The following ADAM10 variants were observed in gnomAD, a reference collection of about 807,000 sequenced individuals.
The protein encoded by ADAM10 is disintegrin and metalloproteinase domain-containing protein 10.
ADAM10 carries 17 observed loss-of-function variants against 90.1 expected under a neutral mutation model. That is an observed-to-expected ratio of 0.19 (90% CI 0.13 to 0.28). ADAM10 has a LOEUF of 0.28. ADAM10 is among the 10% of genes least tolerant of loss of function. The pLI is 1.00. For synonymous variants in ADAM10, 310 were observed against 298.6 expected, an observed-to-expected ratio of 1.04 and a Z score of -0.40; for missense variants, 610 against 914.3, an observed-to-expected ratio of 0.67 and a Z score of 4.29.
rs535262289 is a variant in ADAM10 at position 58,590,380 on chromosome 15, A to C, written c.*7167T>G. The stretch of plus-strand genomic sequence containing the variant: ...CTTCACCAGGGCAGGGAAACTGTTA[A>C]GTTCACTACTGTATTCTTATCATCT... On this transcript the variant is annotated 3_prime_UTR_variant, in exon 16 of 16. Transcript: ENST00000260408. 1.3e-5 allele frequency: 2 copies of C among 152,256 alleles called. No individual in the cohort carries two copies. The highest frequency in any genetic ancestry group is 4.8e-5 in the African/African-American group (2 of 41,474). The allele number at this position is 152,256 out of a possible 1,614,324, so 9.4% of individuals were successfully genotyped here. A position where few individuals can be genotyped will look rare whatever the true frequency, so the allele number is the denominator to read the frequency against.
At chr15:58,725,702 A>G (rs1899006434) in intron 1 of ADAM10, among the ~76,000 whole-genome samples, 1 of 152,136 alleles carries the variant, frequency 6.6e-6, no homozygotes, top group Non-Finnish European at 1.5e-5. Context: ...TTATAAACAG[A>G]GGAACAAAGA....
At chr15:58,621,262 CAAAAAAA>C (rs749439192) in intron 11 of ADAM10, among the ~76,000 whole-genome samples, 70 of 25,272 alleles carry the variant, frequency 2.8e-3, no homozygotes, top group East Asian at 0.013. Context: ...GACCCTGTCT[CAAAAAAA>C]AAAAAAAAAA....
At chr15:58,680,825 T>G (rs1408842157) in intron 3 of ADAM10, among the ~76,000 whole-genome samples, 1 of 152,164 alleles carries the variant, frequency 6.6e-6, no homozygotes, top group Non-Finnish European at 1.5e-5. Flanking sequence ...TGTTTTGTTT[T>G]GTTTTCTTAA....
At chr15:58,681,729 T>A (rs956935475) in intron 3 of ADAM10, among the ~76,000 whole-genome samples, 3 of 152,214 alleles carry the variant, frequency 2.0e-5, no homozygotes, top group African/African-American at 4.8e-5. Context: ...AGAAATTTGT[T>A]AGAATTGTGA....
chr15:58,611,369 T>G (rs1426472322), intron 12 of ADAM10: 2 of 446,650 alleles, frequency 4.5e-6, no homozygotes, highest in African/African-American at 2.0e-5. Flanking sequence ...AGCAAGAGAT[T>G]AGATGAGGAT....
chr15:58,608,849 CTA>C (rs2140996012), intron 14 of ADAM10, among the ~76,000 whole-genome samples: 1 of 152,060 alleles, frequency 6.6e-6, no homozygotes, highest in African/African-American at 2.4e-5. Flanking sequence ...TAAAAAAATG[CTA>C]TGTTTAGATA....
At chr15:58,696,462 C>CTT (rs1430575266) in intron 2 of ADAM10, among the ~76,000 whole-genome samples, 7 of 139,288 alleles carry the variant, frequency 5.0e-5, no homozygotes, top group African/African-American at 1.4e-4. Context: ...TTTTTTCTTT[C>CTT]TTTCTTTTTT....
Position 58,688,786 on chromosome 15 carries a change from A to ATATATATATATATATATATCTC in ADAM10, c.207-6473_207-6472insGAGATATATATATATATATATA. Among the ~76,000 whole-genome samples the ATATATATATATATATATATCTC allele has an allele frequency of 8.9e-3, 1,085 of 121,862 alleles. 9 individuals carry two copies. The highest frequency in any genetic ancestry group is 0.036 in the East Asian group (128 of 3,590). The allele number at this position is 121,862 out of a possible 152,430, so 79.9% of individuals were successfully genotyped here. A position where few individuals can be genotyped will look rare whatever the true frequency, so the allele number is the denominator to read the frequency against. ...AAAAATTATATATATATATATATAT[A>ATATATATATATATATATATCTC]TCTCTCTCTCTCACTGGACTGACTT... is the stretch of plus-strand genomic sequence containing the variant. On this transcript the variant is annotated intron_variant, in intron 2 of 15. Transcript: ENST00000260408.
chr15:58,618,573 A>G (rs1895687645), intron 11 of ADAM10, among the ~76,000 whole-genome samples: 2 of 152,246 alleles, frequency 1.3e-5, no homozygotes, highest in Admixed American at 1.3e-4. Flanking sequence ...CAGAGTGAAG[A>G]GACGATCTGC....
intron 8 of ADAM10, among the ~76,000 whole-genome samples, chr15:58,637,235 T>C (rs571250613): frequency 2.6e-5 from 4 of 152,252 alleles, no homozygotes; most frequent in Admixed American, 2.6e-4. Context: ...ATGAAATGCC[T>C]CAAAAGATGT....
intron 10 of ADAM10, among the ~76,000 whole-genome samples, chr15:58,622,705 T>C (rs150390059): frequency 1.3e-5 from 2 of 152,188 alleles, no homozygotes; most frequent in Non-Finnish European, 2.9e-5. Context: ...CATCTAAGCA[T>C]AGTGAATAAT....
rs570842513 is a variant in ADAM10, at chr15:58,620,660, A to ATTTTTTTTTTTT, written c.1511+799_1511+810dup. Among the ~76,000 whole-genome samples the ATTTTTTTTTTTT allele has an allele frequency of 6.7e-5, 4 of 59,416 alleles. 1 individual carries two copies. The highest frequency in any genetic ancestry group is 3.6e-4 in the African/African-American group (2 of 5,596). The allele number at this position is 59,416 out of a possible 152,430, so 39.0% of individuals were successfully genotyped here. A position where few individuals can be genotyped will look rare whatever the true frequency, so the allele number is the denominator to read the frequency against. On this transcript the variant is annotated intron_variant, in intron 11 of 15. Transcript: ENST00000260408. ...CACAATAAGTAACTAAAGAATATGT[A>ATTTTTTTTTTTT]TTTTTTTTTTTTTTTTTTTGAGACG...
intron 4 of ADAM10, among the ~76,000 whole-genome samples, chr15:58,673,779 G>A (rs1273015007): frequency 1.3e-5 from 2 of 151,200 alleles, no homozygotes; most frequent in Admixed American, 6.6e-5. Flanking sequence ...CTGTCGCCCA[G>A]GCTGGAGTGC....
intron 8 of ADAM10, among the ~76,000 whole-genome samples, chr15:58,636,476 A>C (rs1896255656): frequency 6.6e-6 from 1 of 152,184 alleles, no homozygotes; most frequent in Non-Finnish European, 1.5e-5. Flanking sequence ...TAAACCATTA[A>C]CTCAAACTCA....
intron 1 of ADAM10, 148 bp from the exon 2 acceptor site, chr15:58,717,875 A>G (rs1898717519): frequency 8.2e-7 from 1 of 1,215,454 alleles, no homozygotes; most frequent in Admixed American, 2.7e-5. Context: ...ATATTAACAC[A>G]TATATTATTA....
chr15:58,707,706 G>GA (rs1465729885), intron 2 of ADAM10, among the ~76,000 whole-genome samples: 2 of 152,086 alleles, frequency 1.3e-5, no homozygotes, highest in Non-Finnish European at 2.9e-5. Context: ...CTACTGAAAA[G>GA]AAAAAAGTTT....
At chr15:58,614,778 A>C (rs1194601190) in intron 11 of ADAM10, among the ~76,000 whole-genome samples, 2 of 152,132 alleles carry the variant, frequency 1.3e-5, no homozygotes, top group African/African-American at 2.4e-5. Context: ...ACCAATAATC[A>C]CCATTGTGAA....
chr15:58,626,149 CA>C (rs11433151), intron 10 of ADAM10, among the ~76,000 whole-genome samples: 54 of 137,874 alleles, frequency 3.9e-4, no homozygotes, highest in Middle Eastern at 3.7e-3. Flanking sequence ...GAAATGAGAA[CA>C]AAAAAAAAAA....
intron 9 of ADAM10, among the ~76,000 whole-genome samples, chr15:58,630,884 A>T (rs954777234): frequency 6.6e-6 from 1 of 152,292 alleles, no homozygotes. Context: ...ATTTGATCCC[A>T]AAGTTGTTAG....
Sources: gnomAD v4.1 joint callset for allele counts (sites outside exome capture counted in the v4.1 genomes callset) on GRCh38, gnomAD v4.1.1 for gene constraint, MANE v1.5 for transcripts, NCBI Gene and HGNC (gene_info 2026-07-23, HGNC 2026-07-21) for gene names.